Variants in PDSS1 observed in about 807,000 individuals in gnomAD.
The protein encoded by PDSS1 is decaprenyl diphosphate synthase subunit 1, also known as all trans-polyprenyl-diphosphate synthase PDSS1.
Under a neutral mutation model 57.5 loss-of-function variants are expected in PDSS1, and 43 were observed. That is an observed-to-expected ratio of 0.75 (90% CI 0.59 to 0.96). The LOEUF (loss-of-function observed/expected upper bound fraction) is 0.96, where lower values mean the gene tolerates loss of function less well. Among genes scored for constraint, PDSS1 ranks in the 50% least tolerant of loss-of-function variants. The probability of loss-of-function intolerance (pLI) is 0.00; values close to 1 mark genes in which losing one functional copy is unlikely to be tolerated. For missense variants in PDSS1, 438 were observed against 527.8 expected, an observed-to-expected ratio of 0.83 and a Z score of 1.67; for synonymous variants, 175 against 191.3, an observed-to-expected ratio of 0.91 and a Z score of 0.70.
In PDSS1 at chr10:26,720,349, G is replaced by T. The variant is rs2132259554; in HGVS notation, c.599G>T (p.Gly200Val). The T allele has an allele frequency of 3.7e-6, 6 of 1,610,072 alleles. No individual in the cohort carries two copies. The highest frequency in any genetic ancestry group is 5.1e-6 in the Non-Finnish European group (6 of 1,176,280). ...AAACACACAGTTAATAAGATCTGGGGTGAAAAGAAGGTATGGTTTTTTGGT... is the reference window on the plus strand; with the variant it reads ...AAACACACAGTTAATAAGATCTGGGTTGAAAAGAAGGTATGGTTTTTTGGT... ...RGKHTVNKIW[G>V]EKKAVLAGDL... Residue 200 changes from glycine (G) to valine (V), a missense_variant, in exon 6 of 12, where the codon GGT becomes GTT. Physicochemically the swap from Gly to Val is moderately radical, Grantham distance 109. Coordinates refer to ENST00000376215, the MANE Select transcript of PDSS1 (RefSeq NM_014317.5).
At chr10:26,731,925 G>A (rs1392623152) in intron 8 of PDSS1, among the ~76,000 whole-genome samples, 1 of 152,190 alleles carries the variant, frequency 6.6e-6, no homozygotes, top group Non-Finnish European at 1.5e-5. Flanking sequence ...CCAAGTAGCT[G>A]GGATTACAGG....
At chr10:26,741,601 T>G (rs1836611033) in intron 10 of PDSS1, among the ~76,000 whole-genome samples, 1 of 152,208 alleles carries the variant, frequency 6.6e-6, no homozygotes, top group Non-Finnish European at 1.5e-5. Flanking sequence ...AAGGCAGAGC[T>G]CTGCACATAA....
At chr10:26,709,161 C>T (rs1835338399) in intron 4 of PDSS1, among the ~76,000 whole-genome samples, 1 of 152,226 alleles carries the variant, frequency 6.6e-6, no homozygotes. Context: ...ATGTTCTAGC[C>T]TGCAGGACAG....
intron 8 of PDSS1, among the ~76,000 whole-genome samples, chr10:26,733,005 T>C (rs1836267788): frequency 6.6e-6 from 1 of 152,096 alleles, no homozygotes; most frequent in Non-Finnish European, 1.5e-5. Context: ...GGAGAATCGC[T>C]TGAACTTGGG....
At chr10:26,713,904 C>G (rs980530839) in intron 5 of PDSS1, among the ~76,000 whole-genome samples, 1 of 151,968 alleles carries the variant, frequency 6.6e-6, no homozygotes, top group Non-Finnish European at 1.5e-5. Flanking sequence ...TGTGCCCCTT[C>G]GGGAGGCAGC....
At chr10:26,737,510 A>T (rs945832030) in intron 10 of PDSS1, among the ~76,000 whole-genome samples, 4 of 152,056 alleles carry the variant, frequency 2.6e-5, no homozygotes, top group African/African-American at 7.2e-5. Flanking sequence ...AGGCAGTTGG[A>T]TTATGAGGTC....
chr10:26,728,554 G>A (rs1330070617), intron 8 of PDSS1, among the ~76,000 whole-genome samples: 1 of 151,706 alleles, frequency 6.6e-6, no homozygotes, highest in Non-Finnish European at 1.5e-5. Flanking sequence ...ACCTATTTTG[G>A]GCAAAGTATT....
intron 4 of PDSS1, among the ~76,000 whole-genome samples, chr10:26,708,995 C>T (rs533950229): frequency 2.0e-5 from 3 of 152,220 alleles, no homozygotes; most frequent in South Asian, 2.1e-4. Context: ...TTTCGCTGTC[C>T]GGCTGTCAAT....
chr10:26,730,325 C>T (rs773820010), intron 8 of PDSS1, among the ~76,000 whole-genome samples: 7 of 151,934 alleles, frequency 4.6e-5, no homozygotes, highest in African/African-American at 1.7e-4. Context: ...TTTGAAACAA[C>T]GTGGCTGGGC....
intron 6 of PDSS1, 131 bp downstream of exon 6, chr10:26,720,490 A>G: frequency 1.4e-6 from 1 of 730,828 alleles, no homozygotes; most frequent in Non-Finnish European, 2.5e-6. Flanking sequence ...AATTTCAAAA[A>G]AGTATTCATG....
At chr10:26,708,712 A>G (rs989393881) in intron 4 of PDSS1, among the ~76,000 whole-genome samples, 1 of 152,060 alleles carries the variant, frequency 6.6e-6, no homozygotes, top group African/African-American at 2.4e-5. Context: ...TGGCCTTACT[A>G]TCTTCCTGCC....
At chr10:26,701,307 C>T (rs538588376) in intron 1 of PDSS1, among the ~76,000 whole-genome samples, 67 of 152,278 alleles carry the variant, frequency 4.4e-4, no homozygotes, top group African/African-American at 1.2e-3. Flanking sequence ...AACAAGGAGC[C>T]GAATGTTAAT....
At chr10:26,724,563 T>G (rs891773025) in intron 8 of PDSS1, among the ~76,000 whole-genome samples, 1 of 152,094 alleles carries the variant, frequency 6.6e-6, no homozygotes, top group Non-Finnish European at 1.5e-5. Context: ...CTATGAACTT[T>G]TTTTTGTTTT....
At chr10:26,731,567 G>C (rs552716232) in intron 8 of PDSS1, among the ~76,000 whole-genome samples, 1 of 152,234 alleles carries the variant, frequency 6.6e-6, no homozygotes, top group East Asian at 1.9e-4. Context: ...TTGCACATGT[G>C]GTTTTGTTAG....
At chr10:26,741,665 T>G (rs1237182627) in intron 10 of PDSS1, among the ~76,000 whole-genome samples, 1 of 152,146 alleles carries the variant, frequency 6.6e-6, no homozygotes, top group African/African-American at 2.4e-5. Flanking sequence ...ATTTAGAACT[T>G]AGAGTAGAAT....
Position 26,704,734 on chromosome 10 carries a change from A to G in PDSS1, c.220A>G (p.Ile74Val). 1.4e-6 allele frequency: 2 copies of G among 1,413,664 alleles called. No homozygotes were observed. The highest frequency in any genetic ancestry group is 2.0e-6 in the Non-Finnish European group (2 of 997,754). The allele number at this position is 1,413,664 out of a possible 1,614,324, so 87.6% of individuals were successfully genotyped here. ...ATCTGCCTGTCCAAATGTATGTCGTATATCACGGTAAGTTTACAGTCCATA... is the reference window on the plus strand; with the variant it reads ...ATCTGCCTGTCCAAATGTATGTCGTGTATCACGGTAAGTTTACAGTCCATA... ...LTSACPNVCR[I>V]SRFHHTTPDS... The change falls in exon 3 of 12, where the codon ATA becomes GTA. Residue 74 changes from isoleucine to valine, a missense_variant. Ile to Val is a conservative substitution (Grantham distance 29, BLOSUM62 3). Around this residue, in one of 2 missense-constraint regions of PDSS1, gnomAD observed 154 missense variants for 137.0 expected, o/e 1.12. Coordinates refer to ENST00000376215, the MANE Select transcript of PDSS1 (RefSeq NM_014317.5).
At chr10:26,734,118 G>A (rs570764862) in intron 8 of PDSS1, among the ~76,000 whole-genome samples, 59 of 152,208 alleles carry the variant, frequency 3.9e-4, no homozygotes, top group South Asian at 6.2e-4. Flanking sequence ...GTACAGATGA[G>A]CAAGAGAGAT....
Position 26,712,990 on chromosome 10 carries a change from A to T in PDSS1, c.467+3222A>T, listed in dbSNP as rs1361503813. On this transcript the variant is annotated intron_variant, in intron 5 of 11. Coordinates refer to ENST00000376215, the MANE Select transcript of PDSS1 (RefSeq NM_014317.5). Reference sequence around the variant, plus strand: ...TTGTTTTTTTTTTTGCTTCTGAGGTATGTATTAAATTGGGGATTTTTGCTG... The same window carrying T: ...TTGTTTTTTTTTTTGCTTCTGAGGTTTGTATTAAATTGGGGATTTTTGCTG... Among the ~76,000 whole-genome samples, 2 of 92,098 alleles carry T rather than the reference A, an allele frequency of 2.2e-5. 1 individual carries two copies. Among genetic ancestry groups the T allele is most frequent in the Non-Finnish European group, 4.9e-5 (2 of 40,502 alleles). The allele number at this position is 92,098 out of a possible 152,430, so 60.4% of individuals were successfully genotyped here. A position where few individuals can be genotyped will look rare whatever the true frequency, so the allele number is the denominator to read the frequency against.
At position 26,736,393 on chromosome 10, in the gene PDSS1, G is replaced by A. The variant is rs112272409; in HGVS notation, c.1026+814G>A. ...GCAAAGCAGTAAGATGTTCATCACCGTGCCATGAAATTCAACATTAGCTCT... is the reference window on the plus strand; with the variant it reads ...GCAAAGCAGTAAGATGTTCATCACCATGCCATGAAATTCAACATTAGCTCT... On this transcript the variant is annotated intron_variant, in intron 10 of 11. Transcript: ENST00000376215. Among the ~76,000 whole-genome samples the A allele has an allele frequency of 2.2e-3, 340 of 152,336 alleles. 2 individuals are homozygous for A. Among genetic ancestry groups the A allele is most frequent in the African/African-American group, 7.8e-3 (323 of 41,578 alleles).
Sources: allele counts gnomAD v4.1 joint callset (sites outside exome capture counted in the v4.1 genomes callset), GRCh38; gene constraint gnomAD v4.1.1; regional missense constraint gnomAD v4.1.1; transcripts MANE v1.5; gene names NCBI Gene and HGNC (gene_info 2026-07-23, HGNC 2026-07-21).